ATRN: variants seen among roughly 807,000 people sequenced by gnomAD.
ATRN encodes attractin-2.
ATRN carries 54 observed loss-of-function variants against 178.7 expected under a neutral mutation model. That is an observed-to-expected ratio of 0.30 (90% CI 0.24 to 0.38). ATRN has a LOEUF of 0.38. Among genes scored for constraint, ATRN ranks in the 10% least tolerant of loss-of-function variants. The pLI is 1.00. For missense variants in ATRN, 1,443 were observed against 1,815.1 expected (o/e 0.79, Z 3.73); for synonymous variants, 636 against 663.0 (o/e 0.96, Z 0.63).
chr20:3,644,999 T>G (rs890400872), intron 28 of ATRN, among the ~76,000 whole-genome samples: 4 of 152,264 alleles, frequency 2.6e-5, no homozygotes, highest in Non-Finnish European at 5.9e-5. Context: ...CATGTGACAC[T>G]TCTCCATCAA....
At chr20:3,474,338 A>G (rs990852833) in intron 1 of ATRN, among the ~76,000 whole-genome samples, 1 of 152,148 alleles carries the variant, frequency 6.6e-6, no homozygotes. Flanking sequence ...TGATGATACC[A>G]TTATATTTTG....
chr20:3,522,574 A>G (rs1274818112), intron 1 of ATRN, among the ~76,000 whole-genome samples: 1 of 152,216 alleles, frequency 6.6e-6, no homozygotes, highest in Non-Finnish European at 1.5e-5. Context: ...GCTAAGGGAC[A>G]GACTGCCTCC....
At chr20:3,584,580 A>C in intron 17 of ATRN, 67 bp from the exon 18 acceptor site, 1 of 1,194,640 alleles carries the variant, frequency 8.4e-7, no homozygotes, top group Non-Finnish European at 1.2e-6. Flanking sequence ...GTCTGTTAAA[A>C]AAAAAGTAAA....
chr20:3,557,276 G>A (rs1568727954), intron 6 of ATRN, among the ~76,000 whole-genome samples: 1 of 152,156 alleles, frequency 6.6e-6, no homozygotes, highest in Non-Finnish European at 1.5e-5. Flanking sequence ...GAATGAGAAT[G>A]ATTCAGAATT....
intron 1 of ATRN, among the ~76,000 whole-genome samples, chr20:3,489,205 C>T (rs1168002729): frequency 1.3e-5 from 2 of 152,216 alleles, no homozygotes; most frequent in African/African-American, 4.8e-5. Flanking sequence ...AAGTGATCTG[C>T]TTGCCTCGGC....
Position 3,547,448 on chromosome 20 carries a change from C to T in ATRN, c.902C>T (p.Ser301Leu). The change falls in exon 5 of 29, where the codon TCA becomes TTA. Residue 301 changes from serine to leucine, a missense_variant. By Grantham distance (145) the Ser-to-Leu change is moderately radical. Around this residue, in one of 4 missense-constraint regions of ATRN, gnomAD observed 862 missense variants for 972.1 expected, o/e 0.89. Transcript: ENST00000262919. ...CGFPHRGICNSSDVRGCSCFS... is the reference protein window; with the variant it reads ...CGFPHRGICNLSDVRGCSCFS... The stretch of plus-strand genomic sequence containing the variant: ...TTTCCTCATCGAGGCATCTGCAATT[C>T]AAGTGATGTCAGAGGATGCTCCTGC... 2.5e-6 allele frequency: 4 copies of T among 1,614,158 alleles called. No homozygotes were observed. In the South Asian group the frequency reaches 4.4e-5, roughly 18 times the overall value.
intron 1 of ATRN, among the ~76,000 whole-genome samples, chr20:3,525,355 G>A (rs1568707166): frequency 6.6e-6 from 1 of 152,144 alleles, no homozygotes; most frequent in Non-Finnish European, 1.5e-5. Context: ...CGAGGGAAAA[G>A]TTGAATCCCT....
intron 24 of ATRN, among the ~76,000 whole-genome samples, chr20:3,614,304 G>T (rs539503519): frequency 6.6e-6 from 1 of 152,156 alleles, no homozygotes; most frequent in Non-Finnish European, 1.5e-5. Flanking sequence ...GGGCGTGGGC[G>T]GTAGGTATTC....
chr20:3,513,390 G>C (rs1600059689), intron 1 of ATRN, among the ~76,000 whole-genome samples: 4 of 152,174 alleles, frequency 2.6e-5, no homozygotes, highest in African/African-American at 7.2e-5. Context: ...TCTTGTTTTT[G>C]TCAGGTTTGT....
rs565118238 is a variant in ATRN at position 3,646,787 on chromosome 20, G to A, written c.4230G>A (p.Lys1410=). 6.2e-7 allele frequency: 1 copy of A among 1,610,842 alleles called. No individual in the cohort carries two copies. The highest frequency in any genetic ancestry group is 2.2e-5 in the East Asian group (1 of 44,818). The part of the protein sequence containing the change: ...SQQMPIVYKE[K]SGAVRNRKQQ... The stretch of plus-strand genomic sequence containing the variant: ...AGATGCCGATAGTGTACAAGGAGAA[G>A]TCAGGAGCCGTGAGAAACCGGAAGC... The change falls in exon 29 of 29, where the codon AAG becomes AAA. Residue 1410 remains lysine, a synonymous_variant. Transcript: ENST00000262919.
intron 25 of ATRN, among the ~76,000 whole-genome samples, chr20:3,626,229 C>G (rs1212396009): frequency 1.0e-5 from 1 of 96,586 alleles, no homozygotes; most frequent in Non-Finnish European, 1.9e-5. Context: ...GAGACCCTGT[C>G]TCAAAAAAAA....
intron 15 of ATRN, among the ~76,000 whole-genome samples, chr20:3,581,563 C>A (rs894469595): frequency 2.6e-5 from 4 of 152,120 alleles, no homozygotes; most frequent in Non-Finnish European, 5.9e-5. Flanking sequence ...ATTATACTAA[C>A]CAGTTAAGCA....
At chr20:3,625,306 A>G (rs1351772667) in intron 25 of ATRN, among the ~76,000 whole-genome samples, 2 of 152,168 alleles carry the variant, frequency 1.3e-5, no homozygotes, top group Admixed American at 1.3e-4. Flanking sequence ...AAAGCATACA[A>G]AAGCCCCATC....
intron 1 of ATRN, among the ~76,000 whole-genome samples, chr20:3,533,589 A>T (rs1417824718): frequency 6.6e-6 from 1 of 151,968 alleles, no homozygotes; most frequent in Non-Finnish European, 1.5e-5. Context: ...GCTATCTTGG[A>T]TTATGAGGTA....
intron 6 of ATRN, 21 bp from the exon 7 acceptor site, chr20:3,559,372 T>G (rs758032719): frequency 6.4e-7 from 1 of 1,554,948 alleles, no homozygotes; most frequent in Non-Finnish European, 8.9e-7. Context: ...TGGGTGAAAA[T>G]ATGATCTGTT....
chr20:3,560,890 C>T lies in ATRN; in HGVS notation c.1432C>T (p.Gln478Ter). The T allele has an allele frequency of 6.2e-7, 1 of 1,613,944 alleles. No individual in the cohort carries two copies. Among genetic ancestry groups the T allele is most frequent in the Non-Finnish European group, 8.5e-7 (1 of 1,179,944 alleles). ...CPLYGYISNV[Q>*]EYDLDKNTWS... ...TCTCTATGGATATATAAGCAATGTG[C>T]AGGAATATGATTTGGGTAGGTATAT... The change falls in exon 8 of 29, where the codon CAG becomes TAG. Residue 478 changes from glutamine (Q) to a stop codon, truncating the protein, a stop_gained. Coordinates refer to ENST00000262919, the MANE Select transcript of ATRN (RefSeq NM_139321.3). LOFTEE classifies it high-confidence loss of function.
intron 1 of ATRN, among the ~76,000 whole-genome samples, chr20:3,533,454 G>C (rs1235965818): frequency 6.6e-6 from 1 of 152,132 alleles, no homozygotes; most frequent in South Asian, 2.1e-4. Flanking sequence ...AGTAACTTCT[G>C]GCTAATCGAA....
intron 13 of ATRN, among the ~76,000 whole-genome samples, 188 bp from the exon 14 acceptor site, chr20:3,576,671 A>G (rs947935409): frequency 7.8e-5 from 6 of 77,080 alleles, no homozygotes; most frequent in African/African-American, 2.8e-4. Context: ...ACTGCAACTT[A>G]TCTATCTATC....
At chr20:3,628,773 C>A in intron 25 of ATRN, 1 of 543,156 alleles carries the variant, frequency 1.8e-6, no homozygotes, top group Non-Finnish European at 2.3e-6. Context: ...GTGATATCAA[C>A]CAACTGACTG....
Sources: gnomAD v4.1 joint callset for allele counts (sites outside exome capture counted in the v4.1 genomes callset) on GRCh38, gnomAD v4.1.1 for gene constraint, gnomAD v4.1.1 regional missense constraint, MANE v1.5 for transcripts, NCBI Gene and HGNC (gene_info 2026-07-23, HGNC 2026-07-21) for gene names.